GPM6A: variants seen among roughly 807,000 people sequenced by gnomAD.
The protein encoded by GPM6A is neuronal membrane glycoprotein M6-a.
Under a neutral mutation model 32.1 loss-of-function variants are expected in GPM6A, and 7 were observed. The ratio of observed to expected loss-of-function variants is 0.22; its 90% CI spans 0.12 to 0.41. GPM6A has a LOEUF of 0.41. GPM6A is among the 10% of genes least tolerant of loss of function. The pLI, the probability that GPM6A is intolerant of heterozygous loss-of-function variation, is 1.00. For synonymous variants in GPM6A, 130 were observed against 123.4 expected (o/e 1.05, Z -0.35); for missense variants, 235 against 347.2 (o/e 0.68, Z 2.57).
intron 1 of GPM6A, among the ~76,000 whole-genome samples, chr4:175,834,653 A>C (rs568405546): frequency 5.0e-4 from 76 of 152,352 alleles, no homozygotes; most frequent in Admixed American, 1.2e-3. Flanking sequence ...TTAAAAAAAA[A>C]ACAACTGTTT....
chr4:175,789,785 C>A (rs957433979), intron 1 of GPM6A, among the ~76,000 whole-genome samples: 1 of 152,320 alleles, frequency 6.6e-6, no homozygotes, highest in Non-Finnish European at 1.5e-5. Flanking sequence ...TCTTCCTGCT[C>A]CCTAAATTTG....
chr4:175,897,004 T>C (rs1289421895), intron 1 of GPM6A, among the ~76,000 whole-genome samples: 1 of 152,012 alleles, frequency 6.6e-6, no homozygotes, highest in Non-Finnish European at 1.5e-5. Flanking sequence ...CTCGTTTGCC[T>C]CATGAATCAG....
intron 1 of GPM6A, among the ~76,000 whole-genome samples, chr4:175,838,583 C>T (rs868516531): frequency 6.6e-6 from 1 of 150,788 alleles, no homozygotes; most frequent in Non-Finnish European, 1.5e-5. Context: ...AATCTGTTAC[C>T]CCTTCCTGGC....
At chr4:175,787,209 T>C in intron 1 of GPM6A, 1 of 662,908 alleles carries the variant, frequency 1.5e-6, no homozygotes, top group Non-Finnish European at 2.7e-6. Context: ...GACATGCCAA[T>C]TAATAAAATT....
In GPM6A at chr4:175,778,356, T is replaced by C. The variant is rs561771034; in HGVS notation, c.37+33835A>G. On this transcript the variant is annotated intron_variant, in intron 1 of 6. Transcript: ENST00000393658. ...GACAAAGAAAACTCTGTAGGGGGCCTAGGTGCGGTGGCTCATGCCTCCCAC... is the reference window on the plus strand; with the variant it reads ...GACAAAGAAAACTCTGTAGGGGGCCCAGGTGCGGTGGCTCATGCCTCCCAC... Among the ~76,000 whole-genome samples the C allele has an allele frequency of 8.6e-5, 13 of 151,904 alleles. No homozygotes were observed. In the South Asian group the frequency reaches 2.3e-3, roughly 27 times the overall value.
At chr4:175,939,295 T>C (rs2126336922) in intron 1 of GPM6A, among the ~76,000 whole-genome samples, 1 of 152,328 alleles carries the variant, frequency 6.6e-6, no homozygotes, top group South Asian at 2.1e-4. Context: ...CAAGCTCGTG[T>C]AGCAGTCTTC....
chr4:175,730,089 A>G (rs889557420), intron 1 of GPM6A, among the ~76,000 whole-genome samples: 3 of 151,812 alleles, frequency 2.0e-5, no homozygotes, highest in Non-Finnish European at 1.5e-5. Flanking sequence ...CTTTTTAAAA[A>G]ATTTTACAAA....
intron 2 of GPM6A, among the ~76,000 whole-genome samples, chr4:175,683,472 G>A (rs1743799044): frequency 6.6e-6 from 1 of 152,018 alleles, no homozygotes; most frequent in Non-Finnish European, 1.5e-5. Flanking sequence ...AACATGAGAA[G>A]GACATGAGAT....
intron 1 of GPM6A, among the ~76,000 whole-genome samples, chr4:175,826,847 A>T (rs1735455519): frequency 6.6e-6 from 1 of 152,066 alleles, no homozygotes; most frequent in African/African-American, 2.4e-5. Context: ...CCTAATGTTG[A>T]TTTATTTCTT....
chr4:175,861,107 A>C (rs1736560579), intron 1 of GPM6A, among the ~76,000 whole-genome samples: 1 of 152,138 alleles, frequency 6.6e-6, no homozygotes, highest in African/African-American at 2.4e-5. Context: ...CATATATAAA[A>C]CAGGAATATA....
intron 1 of GPM6A, among the ~76,000 whole-genome samples, chr4:175,818,398 A>C (rs1735174498): frequency 1.3e-5 from 2 of 152,254 alleles, no homozygotes; most frequent in Admixed American, 6.5e-5. Flanking sequence ...ATGCCATTAC[A>C]GAGCTATTCC....
chr4:175,941,891 T>C (rs1180571327), intron 1 of GPM6A, among the ~76,000 whole-genome samples: 1 of 152,236 alleles, frequency 6.6e-6, no homozygotes, highest in Non-Finnish European at 1.5e-5. Context: ...TTTGGGTATA[T>C]ACCCAGTAAT....
intron 1 of GPM6A, among the ~76,000 whole-genome samples, chr4:175,817,817 C>A (rs1167461194): frequency 2.0e-5 from 3 of 152,186 alleles, no homozygotes; most frequent in Admixed American, 2.0e-4. Flanking sequence ...ACATTGTACC[C>A]CCCAAGGTAT....
chr4:175,736,560 T>C (rs1486433004), intron 1 of GPM6A, among the ~76,000 whole-genome samples: 2 of 152,214 alleles, frequency 1.3e-5, no homozygotes, highest in Non-Finnish European at 2.9e-5. Flanking sequence ...TCAATAATAT[T>C]GGCTTTACGT....
At chr4:175,951,534 T>C (rs935470891) in intron 1 of GPM6A, among the ~76,000 whole-genome samples, 1 of 152,104 alleles carries the variant, frequency 6.6e-6, no homozygotes, top group Non-Finnish European at 1.5e-5. Context: ...TGTCCTTAAC[T>C]AAAAATGAGG....
intron 6 of GPM6A, among the ~76,000 whole-genome samples, chr4:175,638,687 A>G (rs771538547): frequency 6.6e-6 from 1 of 152,078 alleles, no homozygotes; most frequent in Non-Finnish European, 1.5e-5. Flanking sequence ...AATGCAAACA[A>G]ATATTTATTA....
At chr4:175,692,192 T>C (rs1744336255) in intron 2 of GPM6A, among the ~76,000 whole-genome samples, 1 of 152,174 alleles carries the variant, frequency 6.6e-6, no homozygotes, top group Non-Finnish European at 1.5e-5. Flanking sequence ...AAAAACAGCA[T>C]GGCAATAATG....
chr4:175,750,913 T>A (rs1732309300), intron 1 of GPM6A, among the ~76,000 whole-genome samples: 1 of 152,116 alleles, frequency 6.6e-6, no homozygotes, highest in Non-Finnish European at 1.5e-5. Flanking sequence ...TTAAAATAGT[T>A]CCAGATGAAA....
At chr4:175,657,207 A>G (rs1200443539) in intron 3 of GPM6A, among the ~76,000 whole-genome samples, 1 of 152,230 alleles carries the variant, frequency 6.6e-6, no homozygotes, top group Non-Finnish European at 1.5e-5. Context: ...CAAAGGAAGT[A>G]TCTTTAAATT....
Sources: gnomAD v4.1 joint callset for allele counts (sites outside exome capture counted in the v4.1 genomes callset) on GRCh38, gnomAD v4.1.1 for gene constraint, MANE v1.5 for transcripts, NCBI Gene and HGNC (gene_info 2026-07-23, HGNC 2026-07-21) for gene names.